The following SHB variants were observed in gnomAD, a reference collection of about 807,000 sequenced individuals.
The protein encoded by SHB is SH2 domain-containing adapter protein B.
A neutral mutation model predicts 52.3 loss-of-function variants in SHB; 20 were observed. The ratio of observed to expected loss-of-function variants is 0.38; its 90% CI spans 0.27 to 0.56. The LOEUF (loss-of-function observed/expected upper bound fraction) is 0.56, where lower values mean the gene tolerates loss of function less well. Among genes scored for constraint, SHB ranks in the 20% least tolerant of loss-of-function variants. The pLI, the probability that SHB is intolerant of heterozygous loss-of-function variation, is 0.71. For synonymous variants in SHB, 397 were observed against 316.5 expected (o/e 1.25, Z -2.70); for missense variants, 825 against 723.3 (o/e 1.14, Z -1.61).
At chr9:38,004,721 T>A (rs1439765500) in intron 2 of SHB, among the ~76,000 whole-genome samples, 1 of 152,108 alleles carries the variant, frequency 6.6e-6, no homozygotes, top group Non-Finnish European at 1.5e-5. Context: ...GAGGGCTGTG[T>A]GGCTGGGGGC....
At chr9:37,985,737 C>T (rs952804099) in intron 2 of SHB, among the ~76,000 whole-genome samples, 4 of 152,248 alleles carry the variant, frequency 2.6e-5, no homozygotes, top group Non-Finnish European at 2.9e-5. Context: ...CACATTAGAC[C>T]TGAGGCCAGA....
intron 5 of SHB, among the ~76,000 whole-genome samples, chr9:37,927,924 T>C (rs933135783): frequency 3.3e-5 from 5 of 151,476 alleles, no homozygotes; most frequent in Non-Finnish European, 5.9e-5. Context: ...GGCTTCTTTC[T>C]TTCCTTCCTC....
chr9:37,974,504 G>C, intron 3 of SHB, 118 bp downstream of exon 3: 2 of 835,392 alleles, frequency 2.4e-6, no homozygotes, highest in East Asian at 2.6e-5. Context: ...TGAGAAAAAA[G>C]ACCACCCAAC....
chr9:37,968,337 T>A (rs898181574), intron 3 of SHB, among the ~76,000 whole-genome samples: 1 of 152,180 alleles, frequency 6.6e-6, no homozygotes, highest in Non-Finnish European at 1.5e-5. Flanking sequence ...CTGTCTCAGG[T>A]CCCGAAGTGG....
chr9:37,968,402 C>T (rs1820554971), intron 3 of SHB, among the ~76,000 whole-genome samples: 2 of 152,208 alleles, frequency 1.3e-5, no homozygotes, highest in South Asian at 4.1e-4. Flanking sequence ...CCCATTGCCC[C>T]ATGGGTCCCA....
chr9:38,003,719 T>C (rs961202634), intron 2 of SHB, among the ~76,000 whole-genome samples: 7 of 152,186 alleles, frequency 4.6e-5, no homozygotes, highest in African/African-American at 1.7e-4. Flanking sequence ...CTGTACTATG[T>C]CCCTCAGTGC....
intron 5 of SHB, among the ~76,000 whole-genome samples, chr9:37,927,356 G>A (rs558031050): frequency 4.6e-5 from 7 of 152,348 alleles, no homozygotes; most frequent in Admixed American, 6.5e-5. Context: ...GTGAACAAAC[G>A]TCTCAATGTA....
intron 5 of SHB, among the ~76,000 whole-genome samples, chr9:37,932,487 G>A (rs1832324056): frequency 6.8e-6 from 1 of 147,720 alleles, no homozygotes; most frequent in Admixed American, 6.9e-5. Context: ...CACAACACGA[G>A]GACCACAGGT....
Position 38,053,021 on chromosome 9 carries a change from CGACAGTAGAGACCTGTGGTTTCTAT to C in SHB, c.717+14883_717+14907del, listed in dbSNP as rs1431111314. 1.9e-4 allele frequency among the ~76,000 whole-genome samples: 29 copies of C among 152,152 alleles called. 1 individual carries two copies. The highest frequency in any genetic ancestry group is 6.5e-5 in the Admixed American group (1 of 15,282). On this transcript the variant is annotated intron_variant, in intron 1 of 5. Transcript: ENST00000377707. ...ACCTGGCCCAAACTAGACACTTTAT[CGACAGTAGAGACCTGTGGTTTCTAT>C]GACAGTAGAGACCTATTCAGCTGAT...
At chr9:37,948,837 G>C in intron 4 of SHB, 83 bp from the exon 5 acceptor site, 17 of 1,552,718 alleles carry the variant, frequency 1.1e-5, no homozygotes, top group Non-Finnish European at 1.5e-5. Context: ...CTCAGCACCC[G>C]CAGAGAGCCT....
intron 2 of SHB, among the ~76,000 whole-genome samples, chr9:38,006,301 T>A (rs1821075091): frequency 6.6e-6 from 1 of 152,170 alleles, no homozygotes; most frequent in Non-Finnish European, 1.5e-5. Context: ...CAAGATTCCA[T>A]CCCACACTCC....
At chr9:37,940,822 A>G (rs755179420) in intron 5 of SHB, among the ~76,000 whole-genome samples, 1 of 152,176 alleles carries the variant, frequency 6.6e-6, no homozygotes, top group Non-Finnish European at 1.5e-5. Flanking sequence ...GGCTGCCAAC[A>G]TGCTTCCCTA....
intron 2 of SHB, chr9:38,015,305 T>C (rs563360839): frequency 6.2e-6 from 4 of 649,178 alleles, no homozygotes; most frequent in Non-Finnish European, 1.1e-5. Context: ...CTGCTAACCC[T>C]TCACTTCTTA....
chr9:38,024,466 G>A (rs1821317593), intron 1 of SHB, among the ~76,000 whole-genome samples: 1 of 152,154 alleles, frequency 6.6e-6, no homozygotes, highest in African/African-American at 2.4e-5. Context: ...GCTCCGACTT[G>A]TTAGGAAAAA....
chr9:38,057,749 T>C (rs1434363541), intron 1 of SHB, among the ~76,000 whole-genome samples: 1 of 152,266 alleles, frequency 6.6e-6, no homozygotes, highest in Non-Finnish European at 1.5e-5. Context: ...AATTTAGCCG[T>C]GGCCTGGAGA....
At chr9:37,988,231 G>A (rs922444776) in intron 2 of SHB, among the ~76,000 whole-genome samples, 1 of 152,122 alleles carries the variant, frequency 6.6e-6, no homozygotes, top group Non-Finnish European at 1.5e-5. Context: ...TAACAATGAC[G>A]AGGCTGCCAG....
chr9:37,991,458 G>A (rs983177271), intron 2 of SHB, among the ~76,000 whole-genome samples: 18 of 152,200 alleles, frequency 1.2e-4, no homozygotes. Context: ...ACATTTTGAA[G>A]TTTAGGAAAT....
In SHB at chr9:37,917,668, T is replaced by C. The variant is rs1832118330; in HGVS notation, c.*2153A>G. On this transcript the variant is annotated 3_prime_UTR_variant, in exon 6 of 6. Coordinates refer to ENST00000377707, the MANE Select transcript of SHB (RefSeq NM_003028.3). The stretch of plus-strand genomic sequence containing the variant: ...TGCCAACTCCTCACTCATCTTGTCA[T>C]TTCCCACCTACCTTCCCACTCCCCC... Among the ~76,000 whole-genome samples, 1 of 152,226 alleles carries C rather than the reference T, an allele frequency of 6.6e-6. No individual in the cohort carries two copies. Among genetic ancestry groups the C allele is most frequent in the Admixed American group, 6.5e-5 (1 of 15,284 alleles).
At chr9:38,059,666 A>G (rs935334281) in intron 1 of SHB, among the ~76,000 whole-genome samples, 3 of 152,224 alleles carry the variant, frequency 2.0e-5, no homozygotes, top group African/African-American at 7.2e-5. Flanking sequence ...GAATCAAAAC[A>G]CGGGAAGAAG....
Sources: gnomAD v4.1 joint callset for allele counts (sites outside exome capture counted in the v4.1 genomes callset) on GRCh38, gnomAD v4.1.1 for gene constraint, MANE v1.5 for transcripts, NCBI Gene and HGNC (gene_info 2026-07-23, HGNC 2026-07-21) for gene names.